Variants in ARHGAP6 observed in about 807,000 individuals in gnomAD.
ARHGAP6 encodes rho GTPase-activating protein 6.
Under a neutral mutation model 55.7 loss-of-function variants are expected in ARHGAP6, and 16 were observed. The ratio of observed to expected loss-of-function variants is 0.29; its 90% confidence interval spans 0.19 to 0.44. The LOEUF is 0.44. Ranked by LOEUF, ARHGAP6 falls within the 20% of genes least tolerant of loss-of-function variation. The probability of loss-of-function intolerance (pLI) is 1.00; values close to 1 mark genes in which losing one functional copy is unlikely to be tolerated. For missense variants in ARHGAP6, 698 were observed against 808.9 expected, an observed-to-expected ratio of 0.86 and a Z score of 1.66; for synonymous variants, 382 against 360.9, an observed-to-expected ratio of 1.06 and a Z score of -0.66.
At chrX:11,395,309 T>C (rs1461780566) in intron 1 of ARHGAP6, among the ~76,000 whole-genome samples, 2 of 111,294 alleles carry the variant, frequency 1.8e-5, no homozygotes, top group Non-Finnish European at 3.8e-5. Context: ...GACCAGGAAA[T>C]AGTAAATTTT....
At chrX:11,349,725 C>T (rs2048835345) in intron 1 of ARHGAP6, among the ~76,000 whole-genome samples, 1 of 111,859 alleles carries the variant, frequency 8.9e-6, no homozygotes, top group Non-Finnish European at 1.9e-5. Flanking sequence ...AGACTACTAT[C>T]CAAAAGATTG....
At chrX:11,221,206 T>C (rs2046964574) in intron 2 of ARHGAP6, 1 of 113,930 alleles carries the variant, frequency 8.8e-6, no homozygotes, top group African/African-American at 3.2e-5. Flanking sequence ...ATTTCTTGTC[T>C]TCTGCTAGTT....
chrX:11,224,334 C>T (rs987742515), intron 2 of ARHGAP6: 77 of 485,884 alleles, frequency 1.6e-4, no homozygotes, highest in Admixed American at 5.6e-5. Flanking sequence ...AGGAGAAGAA[C>T]TAATTGTTGG....
chrX:11,516,482 T>C (rs761779001), intron 1 of ARHGAP6, among the ~76,000 whole-genome samples: 2 of 112,307 alleles, frequency 1.8e-5, no homozygotes, highest in East Asian at 5.6e-4. Context: ...TCTAAAAATA[T>C]ATTTTCAATA....
intron 2 of ARHGAP6, among the ~76,000 whole-genome samples, chrX:11,253,250 T>C (rs894627023): frequency 7.2e-5 from 8 of 111,127 alleles, no homozygotes; most frequent in Admixed American, 1.9e-4. Flanking sequence ...CCCCAGGGCA[T>C]GGGGAGCAAA....
rs1467342556 is a variant in ARHGAP6, at chrX:11,431,438, G to T, written c.589-176731C>A. 3.5e-5 allele frequency among the ~76,000 whole-genome samples: 4 copies of T among 112,792 alleles called. No homozygotes were observed. In the Admixed American group the frequency reaches 3.7e-4, roughly 11 times the overall value. On this transcript the variant is annotated intron_variant, in intron 1 of 12. Coordinates refer to ENST00000337414, the MANE Select transcript of ARHGAP6 (RefSeq NM_013427.3). ...TTTCCACAGTTAATGCCAATGCAAG[G>T]GTGATTACTTTTTTCAGAAAAACTT...
intron 5 of ARHGAP6, among the ~76,000 whole-genome samples, chrX:11,183,898 T>G (rs2046351689): frequency 8.9e-6 from 1 of 112,350 alleles, no homozygotes; most frequent in Admixed American, 9.4e-5. Context: ...ATGCCAGTCA[T>G]TGATCATTGC....
chrX:11,262,456 A>C (rs1027531396), intron 1 of ARHGAP6, among the ~76,000 whole-genome samples: 2 of 111,875 alleles, frequency 1.8e-5, no homozygotes, highest in African/African-American at 3.2e-5. Flanking sequence ...TGATTGAAAT[A>C]ATTTTGGTTT....
intron 1 of ARHGAP6, among the ~76,000 whole-genome samples, chrX:11,531,414 G>A (rs2051047853): frequency 9.0e-6 from 1 of 110,733 alleles, no homozygotes; most frequent in South Asian, 3.8e-4. Flanking sequence ...TTTTAGAGTG[G>A]GGACTGGCTG....
chrX:11,607,096 T>G (rs1158318782), intron 1 of ARHGAP6, among the ~76,000 whole-genome samples: 2 of 112,393 alleles, frequency 1.8e-5, no homozygotes, highest in Non-Finnish European at 3.8e-5. Context: ...TGGAAACATC[T>G]TCATTGTAAT....
intron 5 of ARHGAP6, among the ~76,000 whole-genome samples, chrX:11,184,101 C>A (rs934798006): frequency 8.9e-5 from 10 of 111,863 alleles, no homozygotes; most frequent in African/African-American, 2.9e-4. Flanking sequence ...TGGATCCAGC[C>A]GTGCCTAAAT....
chrX:11,578,679 G>C (rs764020886), intron 1 of ARHGAP6, among the ~76,000 whole-genome samples: 1 of 111,297 alleles, frequency 9.0e-6, no homozygotes, highest in Non-Finnish European at 1.9e-5. Context: ...CCCATTACTG[G>C]GTATATACCC....
intron 10 of ARHGAP6, among the ~76,000 whole-genome samples, chrX:11,154,499 G>A (rs759464384): frequency 8.9e-6 from 1 of 112,323 alleles, no homozygotes; most frequent in African/African-American, 3.2e-5. Flanking sequence ...TCTATCAACT[G>A]TTCTTTAAAG....
At chrX:11,360,525 C>G (rs1421905834) in intron 1 of ARHGAP6, among the ~76,000 whole-genome samples, 1 of 109,146 alleles carries the variant, frequency 9.2e-6, no homozygotes, top group Admixed American at 9.7e-5. Flanking sequence ...TAAGAGCTAT[C>G]TATGACAAAC....
intron 1 of ARHGAP6, among the ~76,000 whole-genome samples, chrX:11,486,681 G>A (rs901046598): frequency 3.6e-5 from 4 of 111,583 alleles, no homozygotes; most frequent in African/African-American, 1.3e-4. Flanking sequence ...CAAGTATCAT[G>A]AGGAGGGCAT....
chrX:11,650,691 A>G (rs749605665), intron 1 of ARHGAP6, among the ~76,000 whole-genome samples: 2 of 112,838 alleles, frequency 1.8e-5, no homozygotes, highest in African/African-American at 6.4e-5. Context: ...CACTATACCT[A>G]TCTTTCACCA....
intron 2 of ARHGAP6, among the ~76,000 whole-genome samples, chrX:11,233,354 C>A (rs1052023373): frequency 1.5e-4 from 17 of 111,624 alleles, no homozygotes; most frequent in Non-Finnish European, 3.2e-4. Flanking sequence ...CCTGCTAATG[C>A]GCATTAAATC....
At chrX:11,614,448 G>A (rs1022782531) in intron 1 of ARHGAP6, among the ~76,000 whole-genome samples, 1 of 111,697 alleles carries the variant, frequency 9.0e-6, no homozygotes, top group Non-Finnish European at 1.9e-5. Context: ...GAGCAGGAGA[G>A]AGAGAACCAA....
At chrX:11,403,244 A>G (rs2049571580) in intron 1 of ARHGAP6, among the ~76,000 whole-genome samples, 1 of 111,155 alleles carries the variant, frequency 9.0e-6, no homozygotes, top group African/African-American at 3.3e-5. Flanking sequence ...AGAGTTAGAG[A>G]TAGTTGATGT....
Sources: gnomAD v4.1 joint callset for allele counts (sites outside exome capture counted in the v4.1 genomes callset) on GRCh38, gnomAD v4.1.1 for gene constraint, MANE v1.5 for transcripts, NCBI Gene and HGNC (gene_info 2026-07-23, HGNC 2026-07-21) for gene names.